The following MCM6 variants were observed in gnomAD, a reference collection of about 807,000 sequenced individuals.
MCM6 encodes the protein DNA replication licensing factor MCM6.
In MCM6, 46 loss-of-function variants were observed where a neutral mutation model predicts 94.3. The observed-to-expected ratio is 0.49, with a 90% CI of 0.39 to 0.62. The LOEUF (loss-of-function observed/expected upper bound fraction) is 0.62. Among genes scored for constraint, MCM6 ranks in the 20% least tolerant of loss-of-function variants. The pLI is 0.00. For missense variants in MCM6, 865 were observed against 1,017.9 expected (o/e 0.85, Z 2.04); for synonymous variants, 335 against 351.9 (o/e 0.95, Z 0.54).
chr2:135,859,394 C>A lies in MCM6; in HGVS notation c.1269G>T (p.Ala423=). 6.2e-7 allele frequency: 1 copy of A among 1,613,004 alleles called. No homozygotes were observed. Among genetic ancestry groups the A allele is most frequent in the African/African-American group, 1.3e-5 (1 of 75,024 alleles). Residue 423 remains alanine, a synonymous_variant, in exon 9 of 17, where the codon GCG becomes GCT. Coordinates refer to ENST00000264156, the MANE Select transcript of MCM6 (RefSeq NM_005915.6). ...CTGCTGTTAAGCCAGCAGCACTGGA[C>A]GCTTTACCACTGGTGTAGACAGCTC... The part of the protein sequence containing the change: ...SPRAVYTSGK[A]SSAAGLTAAV...
chr2:135,847,999 C>A, intron 14 of MCM6, 54 bp downstream of exon 14: 1 of 1,461,472 alleles, frequency 6.8e-7, no homozygotes. Context: ...CATGACATCT[C>A]AGAAAATGTT....
chr2:135,846,723 GC>G lies in MCM6; in HGVS notation c.2054-332del, dbSNP rs556271374. On this transcript the variant is annotated intron_variant, in intron 14 of 16. Transcript: ENST00000264156. Reference sequence around the variant, plus strand: ...TAAAAATGAAAAACAAAATAAACCGGCTAGGTGCAGTGGCTCACACCTGTAA... The same window carrying G: ...TAAAAATGAAAAACAAAATAAACCGGTAGGTGCAGTGGCTCACACCTGTAA... Among the ~76,000 whole-genome samples the G allele has an allele frequency of 9.2e-5, 14 of 152,174 alleles. No individual in the cohort carries two copies. The East Asian group carries it at 2.7e-3, about 29-fold the overall frequency.
intron 1 of MCM6, among the ~76,000 whole-genome samples, chr2:135,874,029 G>A (rs965195447): frequency 1.3e-5 from 2 of 152,302 alleles, no homozygotes; most frequent in Admixed American, 6.5e-5. Flanking sequence ...CAGGAAAGAG[G>A]AGTGATGAAG....
At chr2:135,857,873 A>G in intron 10 of MCM6, 24 bp downstream of exon 10, 1 of 1,587,202 alleles carries the variant, frequency 6.3e-7, no homozygotes, top group Non-Finnish European at 8.7e-7. Flanking sequence ...ACGATGCAGC[A>G]GAACAGAAGT....
chr2:135,852,660 A>G, intron 12 of MCM6, 127 bp downstream of exon 12: 2 of 675,346 alleles, frequency 3.0e-6, no homozygotes, highest in Non-Finnish European at 4.3e-6. Flanking sequence ...CAGAAAAAAA[A>G]AAAAAGTTGT....
chr2:135,869,501 A>G (rs1330511706), intron 3 of MCM6, among the ~76,000 whole-genome samples: 1 of 152,178 alleles, frequency 6.6e-6, no homozygotes, highest in East Asian at 1.9e-4. Flanking sequence ...CATGTGTTAC[A>G]TAATAATCCT....
intron 7 of MCM6, among the ~76,000 whole-genome samples, chr2:135,864,089 C>T (rs989335396): frequency 2.6e-5 from 4 of 151,722 alleles, no homozygotes; most frequent in East Asian, 3.9e-4. Flanking sequence ...CCAGCCTGGG[C>T]GACAGAGTGA....
At chr2:135,855,100 G>C (rs1269194100) in intron 11 of MCM6, among the ~76,000 whole-genome samples, 6 of 152,192 alleles carry the variant, frequency 3.9e-5, no homozygotes, top group Admixed American at 3.9e-4. Context: ...AGGTTGCAGT[G>C]AGCCAAGATT....
At chr2:135,856,919 T>A in intron 10 of MCM6, 36 bp from the exon 11 acceptor site, 1 of 1,577,934 alleles carries the variant, frequency 6.3e-7, no homozygotes, top group Non-Finnish European at 8.6e-7. Context: ...CAGATTTAAA[T>A]AGACATCAGC....
chr2:135,844,724 G>A (rs375006647), intron 15 of MCM6, 40 bp from the exon 16 acceptor site: 9 of 1,491,848 alleles, frequency 6.0e-6, no homozygotes, highest in East Asian at 2.5e-5. Flanking sequence ...CTAGCAACTC[G>A]TACTGTCAGT....
chr2:135,859,408 T>C lies in MCM6; in HGVS notation c.1255A>G (p.Thr419Ala). ...GCAGCACTGGACGCTTTACCACTGGTGTAGACAGCTCTGGGGCTGAACTCC... is the reference window on the plus strand; with the variant it reads ...GCAGCACTGGACGCTTTACCACTGGCGTAGACAGCTCTGGGGCTGAACTCC... ...VEEFSPRAVY[T>A]SGKASSAAGL... is the part of the protein sequence containing the mutation. Residue 419 changes from threonine to alanine, a missense_variant, in exon 9 of 17, where the codon ACC becomes GCC. Thr to Ala is a moderately conservative substitution (Grantham distance 58). Transcript: ENST00000264156. 2.5e-6 allele frequency: 4 copies of C among 1,613,428 alleles called. No individual in the cohort carries two copies. Among genetic ancestry groups the C allele is most frequent in the Non-Finnish European group, 3.4e-6 (4 of 1,179,468 alleles).
chr2:135,872,266 T>C (rs1245839960), intron 2 of MCM6, among the ~76,000 whole-genome samples: 1 of 152,030 alleles, frequency 6.6e-6, no homozygotes, highest in Non-Finnish European at 1.5e-5. Flanking sequence ...ACCAACATGG[T>C]GACACCCCGT....
chr2:135,858,770 C>A (rs1194235809), intron 9 of MCM6, among the ~76,000 whole-genome samples: 1 of 152,236 alleles, frequency 6.6e-6, no homozygotes, highest in African/African-American at 2.4e-5. Flanking sequence ...CTTATATACA[C>A]ATCTACCGAT....
chr2:135,852,466 C>T (rs570347127), intron 12 of MCM6, among the ~76,000 whole-genome samples: 8 of 152,152 alleles, frequency 5.3e-5, no homozygotes, highest in Admixed American at 2.0e-4. Flanking sequence ...TTGATTTAGG[C>T]GCATAAACAA....
At position 135,840,658 on chromosome 2, in the gene MCM6, T is replaced by C; in HGVS notation, c.*177A>G. The C allele has an allele frequency of 1.7e-6, 1 of 572,732 alleles. No homozygotes were observed. Among genetic ancestry groups the C allele is most frequent in the Non-Finnish European group, 3.1e-6 (1 of 319,932 alleles). 35.5% of individuals were successfully genotyped at this position (572,732 alleles called of 1,614,324 possible). On this transcript the variant is annotated 3_prime_UTR_variant, in exon 17 of 17. Transcript: ENST00000264156. ...GGAAGTGCTGAAGCCTGTGTTGGTA[T>C]GAAACCTGTGATGAATGTGACACAT...
At chr2:135,868,196 G>T (rs888406321) in intron 4 of MCM6, among the ~76,000 whole-genome samples, 2 of 152,092 alleles carry the variant, frequency 1.3e-5, no homozygotes, top group African/African-American at 4.8e-5. Flanking sequence ...TCTCCAATTT[G>T]GCTCCTTTAC....
At chr2:135,860,113 A>C (rs1442549427) in intron 8 of MCM6, among the ~76,000 whole-genome samples, 1 of 149,326 alleles carries the variant, frequency 6.7e-6, no homozygotes, top group African/African-American at 2.5e-5. Context: ...CTAAAACATC[A>C]ATTTTATTTA....
chr2:135,866,255 G>A lies in MCM6; in HGVS notation c.804C>T (p.Ser268=), dbSNP rs1356707987. The A allele has an allele frequency of 3.1e-6, 5 of 1,613,946 alleles. No individual in the cohort carries two copies. Among genetic ancestry groups the A allele is most frequent in the Non-Finnish European group, 4.2e-6 (5 of 1,179,980 alleles). ...CATATCCATCAACACCACTGACACG[G>A]GAATTAGTTTCTGCACGTGCTCCTG... ...STPGARAETN[S]RVSGVDGYET... The change falls in exon 6 of 17, where the codon TCC becomes TCT. Residue 268 remains serine (S), a synonymous_variant. Transcript: ENST00000264156.
chr2:135,873,687 T>A lies in MCM6; in HGVS notation c.108-844A>T, dbSNP rs1315591355. Among the ~76,000 whole-genome samples, 5 of 152,320 alleles carry A rather than the reference T, an allele frequency of 3.3e-5. No homozygotes were observed. The East Asian group carries it at 9.6e-4, about 29-fold the overall frequency. ...TAACAGAGGTACCTGAGGCTGAAAA[T>A]GGCAGTGTTGTTCCTGCCCTAGGGT... On this transcript the variant is annotated intron_variant, in intron 1 of 16. Transcript: ENST00000264156.
Sources: allele counts gnomAD v4.1 joint callset (sites outside exome capture counted in the v4.1 genomes callset), GRCh38; gene constraint gnomAD v4.1.1; transcripts MANE v1.5; gene names NCBI Gene and HGNC (gene_info 2026-07-23, HGNC 2026-07-21).